SOX5: variants seen among roughly 807,000 people sequenced by gnomAD.
SOX5 encodes SRY-box transcription factor 5.
SOX5 carries 9 observed loss-of-function variants against 92.0 expected under a neutral mutation model. The ratio of observed to expected loss-of-function variants is 0.10; its 90% CI spans 0.06 to 0.17. SOX5 has a LOEUF of 0.17. Among genes scored for constraint, SOX5 ranks in the 10% least tolerant of loss-of-function variants. The probability of loss-of-function intolerance (pLI) is 1.00; values close to 1 mark genes in which losing one functional copy is unlikely to be tolerated. For missense variants in SOX5, 642 were observed against 944.5 expected, an observed-to-expected ratio of 0.68 and a Z score of 4.20; for synonymous variants, 344 against 336.3, an observed-to-expected ratio of 1.02 and a Z score of -0.25.
chr12:23,611,353 C>T (rs564763533), intron 8 of SOX5, among the ~76,000 whole-genome samples: 2 of 140,372 alleles, frequency 1.4e-5, no homozygotes, highest in Non-Finnish European at 3.1e-5. Context: ...AGTATTCCAT[C>T]GTGTGTGTGT....
At chr12:23,931,211 G>C (rs2139201732) in intron 1 of SOX5, among the ~76,000 whole-genome samples, 1 of 151,820 alleles carries the variant, frequency 6.6e-6, no homozygotes, top group Non-Finnish European at 1.5e-5. Context: ...TGCAAATATT[G>C]ACAATTCATC....
intron 3 of SOX5, among the ~76,000 whole-genome samples, chr12:23,823,672 G>A (rs781019516): frequency 2.2e-4 from 34 of 152,070 alleles, no homozygotes; most frequent in Non-Finnish European, 3.5e-4. Context: ...GCCTTGCTAG[G>A]TTGGGGAAGT....
chr12:23,716,226 A>G (rs1009500128), intron 6 of SOX5, among the ~76,000 whole-genome samples: 3 of 152,232 alleles, frequency 2.0e-5, no homozygotes, highest in African/African-American at 7.2e-5. Flanking sequence ...CTAAGGTCAA[A>G]ATTAATTCAG....
At chr12:24,263,587 A>G (rs1421714022) in intron 3 of SOX5, among the ~76,000 whole-genome samples, 2 of 151,802 alleles carry the variant, frequency 1.3e-5, no homozygotes, top group Admixed American at 6.6e-5. Flanking sequence ...AAGATGAAAC[A>G]ATACAGAATA....
At chr12:23,672,086 A>G (rs1316251665) in intron 6 of SOX5, among the ~76,000 whole-genome samples, 5 of 151,996 alleles carry the variant, frequency 3.3e-5, no homozygotes, top group African/African-American at 9.7e-5. Context: ...AAAAAACAAA[A>G]CAAAAAAAAA....
intron 3 of SOX5, among the ~76,000 whole-genome samples, chr12:23,791,543 A>G (rs2095475123): frequency 6.6e-6 from 1 of 152,214 alleles, no homozygotes; most frequent in Admixed American, 6.5e-5. Context: ...GGTATCCTGC[A>G]GACATAAAGG....
At chr12:23,888,391 C>T (rs542151135) in intron 2 of SOX5, among the ~76,000 whole-genome samples, 1 of 151,150 alleles carries the variant, frequency 6.6e-6, no homozygotes, top group South Asian at 2.1e-4. Flanking sequence ...GTGTCCTGAA[C>T]TATCTCACAA....
chr12:24,137,578 G>A lies in SOX5; in HGVS notation c.-2+75765C>T, dbSNP rs1324370392. On this transcript the variant is annotated intron_variant, in intron 4 of 4. Coordinates refer to the SOX5 transcript ENST00000446891. The stretch of plus-strand genomic sequence containing the variant: ...ACCCTGGAGATGGAGGTTGCAGTGA[G>A]CAGAAGTCACGCCACTGCAATCCTG... 2.0e-5 allele frequency among the ~76,000 whole-genome samples: 3 copies of A among 152,184 alleles called. No individual in the cohort carries two copies. In the East Asian group the frequency reaches 5.8e-4, roughly 29 times the overall value.
intron 8 of SOX5, among the ~76,000 whole-genome samples, chr12:23,618,602 A>T (rs2076833825): frequency 6.6e-6 from 1 of 152,172 alleles, no homozygotes. Context: ...TTTCTCCATG[A>T]CTACGATATG....
chr12:24,323,924 G>A lies in SOX5; in HGVS notation c.-174+44639C>T, dbSNP rs184976417. Among the ~76,000 whole-genome samples, 88 of 152,178 alleles carry A rather than the reference G, an allele frequency of 5.8e-4. 1 individual carries two copies. Among genetic ancestry groups the A allele is most frequent in the African/African-American group, 2.0e-3 (84 of 41,554 alleles). On this transcript the variant is annotated intron_variant, in intron 2 of 4. Transcript: ENST00000446891. The stretch of plus-strand genomic sequence containing the variant: ...AGTTTCTAAATTTCTTGGGGAAAAT[G>A]TTCAATTAAGAAATACAGGGAATGC...
At position 24,305,629 on chromosome 12, in the gene SOX5, G is replaced by A. The variant is rs373175758; in HGVS notation, c.-173-28317C>T. 4.9e-4 allele frequency among the ~76,000 whole-genome samples: 74 copies of A among 152,152 alleles called. 1 individual carries two copies. The South Asian group carries it at 0.013, about 27-fold the overall frequency. On this transcript the variant is annotated intron_variant, in intron 2 of 4. Coordinates refer to the SOX5 transcript ENST00000446891. ...TGGTTTTTTTTGGAGACAGAGTCTC[G>A]CTCTCTCGCCCAGGCTGGAGTGCAG...
chr12:24,372,555 C>T (rs1956848007), intron 1 of SOX5, among the ~76,000 whole-genome samples: 1 of 152,104 alleles, frequency 6.6e-6, no homozygotes, highest in Non-Finnish European at 1.5e-5. Flanking sequence ...GGGTTGGTTC[C>T]AAGTCTTTGC....
chr12:24,495,632 C>T (rs753935055), intron 1 of SOX5, among the ~76,000 whole-genome samples: 2 of 152,096 alleles, frequency 1.3e-5, no homozygotes, highest in African/African-American at 2.4e-5. Context: ...AACAGATACA[C>T]GCCATTTCTG....
In SOX5 at chr12:23,971,197, A is replaced by C. The variant is rs573641956; in HGVS notation, c.-1-75173T>G. On this transcript the variant is annotated intron_variant, in intron 4 of 4. Transcript: ENST00000446891. ...GAATGCAGTGGCGTGATCTCAGCTC[A>C]CTGCAAGCTCCGCCTCCTGGGTTCA... is the stretch of plus-strand genomic sequence containing the variant. Among the ~76,000 whole-genome samples the C allele has an allele frequency of 6.1e-5, 8 of 132,050 alleles. 1 individual carries two copies. The highest frequency in any genetic ancestry group is 2.4e-4 in the African/African-American group (8 of 32,996). 86.6% of individuals were successfully genotyped at this position (132,050 alleles called of 152,430 possible).
At chr12:24,068,558 A>G (rs1941171707) in intron 4 of SOX5, among the ~76,000 whole-genome samples, 1 of 151,704 alleles carries the variant, frequency 6.6e-6, no homozygotes, top group Non-Finnish European at 1.5e-5. Flanking sequence ...CTCAAGTTAA[A>G]TGCCACTGCC....
At chr12:23,951,016 C>T (rs918312667), upstream of SOX5, 2 of 691,704 alleles carry the variant, frequency 2.9e-6, no homozygotes, top group East Asian at 2.7e-5. Flanking sequence ...CACTCACGCA[C>T]GCTCTCCACT....
At chr12:24,087,631 G>A (rs1351368774) in intron 4 of SOX5, among the ~76,000 whole-genome samples, 1 of 151,996 alleles carries the variant, frequency 6.6e-6, no homozygotes, top group Non-Finnish European at 1.5e-5. Context: ...TTGTGAACGT[G>A]GTATATTGAG....
intron 6 of SOX5, among the ~76,000 whole-genome samples, chr12:23,673,888 AC>A (rs958812514): frequency 1.1e-4 from 16 of 152,128 alleles, no homozygotes; most frequent in African/African-American, 3.9e-4. Flanking sequence ...TGAATTATAT[AC>A]TTTAAAAGGG....
chr12:23,632,729 G>T (rs549154621), intron 8 of SOX5, among the ~76,000 whole-genome samples: 1 of 151,894 alleles, frequency 6.6e-6, no homozygotes, highest in South Asian at 2.1e-4. Flanking sequence ...ATATTACTTC[G>T]TATACCTATG....
Sources: allele counts gnomAD v4.1 joint callset (sites outside exome capture counted in the v4.1 genomes callset), GRCh38; gene constraint gnomAD v4.1.1; transcripts MANE v1.5; gene names NCBI Gene and HGNC (gene_info 2026-07-23, HGNC 2026-07-21).